MUC13: variants seen among roughly 807,000 people sequenced by gnomAD.
MUC13 encodes mucin-13.
MUC13 carries 32 observed loss-of-function variants against 48.3 expected under a neutral mutation model. The observed-to-expected ratio is 0.66, with a 90% confidence interval of 0.50 to 0.89. The LOEUF (loss-of-function observed/expected upper bound fraction) is 0.89, where lower values mean the gene tolerates loss of function less well. Ranked by LOEUF, MUC13 falls within the 40% of genes least tolerant of loss-of-function variation. The pLI is 0.00. For synonymous variants in MUC13, 199 were observed against 224.9 expected, an observed-to-expected ratio of 0.88 and a Z score of 1.03; for missense variants, 571 against 622.8, an observed-to-expected ratio of 0.92 and a Z score of 0.88.
At chr3:124,921,480 G>A (rs1208980025) in intron 4 of MUC13, among the ~76,000 whole-genome samples, 1 of 152,054 alleles carries the variant, frequency 6.6e-6, no homozygotes, top group African/African-American at 2.4e-5. Context: ...CATATTTAAG[G>A]CTAATATTTT....
intron 6 of MUC13, 45 bp downstream of exon 6, chr3:124,916,272 G>A: frequency 6.8e-7 from 1 of 1,469,492 alleles, no homozygotes; most frequent in Non-Finnish European, 9.4e-7. Flanking sequence ...AAAAAAGGTA[G>A]GTAGGTCTTC....
chr3:124,909,569 T>C (rs1462449983), intron 10 of MUC13, among the ~76,000 whole-genome samples: 3 of 151,718 alleles, frequency 2.0e-5, no homozygotes, highest in African/African-American at 4.8e-5. Context: ...AGTGGGGTAA[T>C]CTTGGCTCAC....
rs191729064 is a variant in MUC13, at chr3:124,919,146, G to A, written c.800+1088C>T. Among the ~76,000 whole-genome samples, 56 of 151,830 alleles carry A rather than the reference G, an allele frequency of 3.7e-4. No homozygotes were observed. The Middle Eastern group carries it at 0.017, about 46-fold the overall frequency. On this transcript the variant is annotated intron_variant, in intron 5 of 11. Coordinates refer to ENST00000616727, the MANE Select transcript of MUC13 (RefSeq NM_033049.4). ...AGGTCAGGAGTTCGAGACCAGCCTG[G>A]CCAACATGGTGAAACCCCGTCTCTA...
At chr3:124,930,148 A>G (rs1935769253) in intron 1 of MUC13, among the ~76,000 whole-genome samples, 1 of 152,246 alleles carries the variant, frequency 6.6e-6, no homozygotes, top group Non-Finnish European at 1.5e-5. Context: ...GTTTCTGTAG[A>G]TGTGCATAAA....
chr3:124,923,448 T>G, intron 3 of MUC13, 79 bp downstream of exon 3: 1 of 1,469,832 alleles, frequency 6.8e-7, no homozygotes, highest in Non-Finnish European at 9.3e-7. Flanking sequence ...GAATCTCCTT[T>G]TGCCATCATT....
intron 6 of MUC13, among the ~76,000 whole-genome samples, chr3:124,914,733 C>T (rs1372226575): frequency 1.3e-5 from 2 of 152,094 alleles, no homozygotes; most frequent in Admixed American, 1.3e-4. Context: ...TCGAGACCAG[C>T]CCAGCCAAAA....
Position 124,916,251 on chromosome 3 carries a change from A to T in MUC13, c.964+66T>A, listed in dbSNP as rs1026650723. 167 of 1,247,050 alleles carry T rather than the reference A, an allele frequency of 1.3e-4. 1 individual carries two copies. Among genetic ancestry groups the T allele is most frequent in the Non-Finnish European group, 2.5e-5 (22 of 873,524 alleles). The allele number at this position is 1,247,050 out of a possible 1,614,324, so 77.2% of individuals were successfully genotyped here. On this transcript the variant is annotated intron_variant, in intron 6 of 11. Transcript: ENST00000616727. ...TCTTGTCTCCTTTTCACATATAATG[A>T]AAAGGTTTACAAAAAAGGTAGGTAG...
rs113880766 is a variant in MUC13, at chr3:124,923,691, CAATA to C, written c.515-46_515-43del. The stretch of plus-strand genomic sequence containing the variant: ...AGAGATTAGAAATCCAGAGAAATGA[CAATA>C]AATAACAACTGGAAACGTATTTTTC... On this transcript the variant is annotated intron_variant, in intron 2 of 11. Transcript: ENST00000616727. 427 of 1,595,720 alleles carry C rather than the reference CAATA, an allele frequency of 2.7e-4. 2 individuals are homozygous for C. In the African/African-American group the frequency reaches 5.0e-3, roughly 19 times the overall value.
chr3:124,920,382 T>C lies in MUC13; in HGVS notation c.745-93A>G, dbSNP rs72976431. ...TGAGGCAGAAAAAAATAATGCTCTA[T>C]CTAGCTTTTAACAGGATCCAACTGG... is the stretch of plus-strand genomic sequence containing the variant. On this transcript the variant is annotated intron_variant, in intron 4 of 11. Coordinates refer to ENST00000616727, the MANE Select transcript of MUC13 (RefSeq NM_033049.4). 4.2e-4 allele frequency: 423 copies of C among 1,002,612 alleles called. 2 individuals are homozygous for C. In the African/African-American group the frequency reaches 6.2e-3, roughly 15 times the overall value. 62.1% of individuals were successfully genotyped at this position (1,002,612 alleles called of 1,614,324 possible).
chr3:124,916,612 A>G (rs1188197159), intron 5 of MUC13, 132 bp from the exon 6 acceptor site: 4 of 902,880 alleles, frequency 4.4e-6, no homozygotes, highest in Non-Finnish European at 6.8e-6. Flanking sequence ...TCGGACCCAC[A>G]TATGGAGGCC....
intron 4 of MUC13, among the ~76,000 whole-genome samples, chr3:124,920,556 G>A (rs138090611): frequency 6.6e-6 from 1 of 152,244 alleles, no homozygotes; most frequent in Non-Finnish European, 1.5e-5. Context: ...CATCCCTTCT[G>A]GATTACAAAT....
chr3:124,929,512 T>C (rs1205873660), intron 1 of MUC13, among the ~76,000 whole-genome samples: 1 of 152,214 alleles, frequency 6.6e-6, no homozygotes, highest in African/African-American at 2.4e-5. Flanking sequence ...ATGAGCCCCT[T>C]GAGGGCAGAG....
chr3:124,923,711 C>T (rs899856018), intron 2 of MUC13, 62 bp from the exon 3 acceptor site: 50 of 1,554,656 alleles, frequency 3.2e-5, no homozygotes, highest in Middle Eastern at 1.7e-4. Context: ...CAACTGGAAA[C>T]GTATTTTTCC....
intron 6 of MUC13, among the ~76,000 whole-genome samples, chr3:124,915,352 G>A (rs1413749607): frequency 6.6e-6 from 1 of 152,204 alleles, no homozygotes; most frequent in African/African-American, 2.4e-5. Context: ...TTGTAACTGT[G>A]ATGTAAGCAG....
intron 1 of MUC13, among the ~76,000 whole-genome samples, chr3:124,933,679 C>G (rs1172852469): frequency 6.6e-6 from 1 of 152,216 alleles, no homozygotes; most frequent in Non-Finnish European, 1.5e-5. Context: ...CTTTCTGTAA[C>G]CTCAAGATGG....
chr3:124,908,153 G>A lies in MUC13; in HGVS notation c.1533C>T (p.Asp511=). Residue 511 remains aspartate, a synonymous_variant, in exon 11 of 12, where the codon GAC becomes GAT. Transcript: ENST00000616727. ...AAAAAGCCCACTGACTCACCTAATAGTCAGGGCGGGGCATGCTGCTGTGTC... is the reference window on the plus strand; with the variant it reads ...AAAAAGCCCACTGACTCACCTAATAATCAGGGCGGGGCATGCTGCTGTGTC... ...YSRHSSMPRP[D]Y The A allele has an allele frequency of 6.2e-7, 1 of 1,614,094 alleles. No homozygotes were observed. Among genetic ancestry groups the A allele is most frequent in the Non-Finnish European group, 8.5e-7 (1 of 1,179,986 alleles).
Position 124,908,280 on chromosome 3 carries a change from A to C in MUC13, c.1406T>G (p.Leu469Arg). Reference protein sequence around the residue: ...LIDEDFQNLKLRSTGFTNLGA... With the variant: ...LIDEDFQNLKRRSTGFTNLGA... The stretch of plus-strand genomic sequence containing the variant: ...AAGATTGGTGAAGCCTGTCGACCGC[A>C]GTTTTAGATTTTGAAAGTCTTCGTC... Residue 469 changes from leucine to arginine, a missense_variant, in exon 11 of 12, where the codon CTG becomes CGG. Leu to Arg is a moderately radical substitution (Grantham distance 102). Transcript: ENST00000616727. 1.2e-6 allele frequency: 2 copies of C among 1,614,174 alleles called. No individual in the cohort carries two copies. The highest frequency in any genetic ancestry group is 1.7e-6 in the Non-Finnish European group (2 of 1,180,044).
intron 10 of MUC13, among the ~76,000 whole-genome samples, chr3:124,908,670 A>G (rs1279487359): frequency 1.3e-5 from 2 of 152,214 alleles, no homozygotes; most frequent in African/African-American, 4.8e-5. Flanking sequence ...TCCTAAGTTT[A>G]AGGTCATGAG....
In MUC13 at chr3:124,912,917, C is replaced by A. The variant is rs191297291; in HGVS notation, c.1214+194G>T. ...CACCATTGCACTGTAGCCTGGGGGACAGAGTGAGACTCCATCTCAAAAAAA... is the reference window on the plus strand; with the variant it reads ...CACCATTGCACTGTAGCCTGGGGGAAAGAGTGAGACTCCATCTCAAAAAAA... On this transcript the variant is annotated intron_variant, in intron 8 of 11. Coordinates refer to ENST00000616727, the MANE Select transcript of MUC13 (RefSeq NM_033049.4). 7.0e-5 allele frequency among the ~76,000 whole-genome samples: 8 copies of A among 114,330 alleles called. No individual in the cohort carries two copies. In the East Asian group the frequency reaches 1.8e-3, roughly 26 times the overall value. The allele number at this position is 114,330 out of a possible 152,430, so 75.0% of individuals were successfully genotyped here. A position where few individuals can be genotyped will look rare whatever the true frequency, so the allele number is the denominator to read the frequency against.
Sources: allele counts gnomAD v4.1 joint callset (sites outside exome capture counted in the v4.1 genomes callset), GRCh38; gene constraint gnomAD v4.1.1; transcripts MANE v1.5; gene names NCBI Gene and HGNC (gene_info 2026-07-23, HGNC 2026-07-21).